CYTH3: variants seen among roughly 807,000 people sequenced by gnomAD.
CYTH3 encodes cytohesin-3.
In CYTH3, 23 loss-of-function variants were observed where a neutral mutation model predicts 55.1. That is an observed-to-expected ratio of 0.42 (90% CI 0.30 to 0.59). The LOEUF is 0.59. Among genes scored for constraint, CYTH3 ranks in the 20% least tolerant of loss-of-function variants. CYTH3 has a pLI of 0.20. For synonymous variants in CYTH3, 249 were observed against 194.9 expected, an observed-to-expected ratio of 1.28 and a Z score of -2.31; for missense variants, 413 against 524.8, an observed-to-expected ratio of 0.79 and a Z score of 2.08.
rs760279977 is a variant in CYTH3, at chr7:6,174,539, GTTTTTTTTT to G, written c.369-815_369-807del. Among the ~76,000 whole-genome samples the G allele has an allele frequency of 1.4e-3, 128 of 89,802 alleles. No individual in the cohort carries two copies. The Middle Eastern group carries it at 0.033, about 23-fold the overall frequency. 58.9% of individuals were successfully genotyped at this position (89,802 alleles called of 152,430 possible). ...GGTGTGAAATGGTATCTCCTTGTGGGTTTTTTTTTTTTTTTTTTTTTTTTTCCAGACAGA... is the reference window on the plus strand; with the variant it reads ...GGTGTGAAATGGTATCTCCTTGTGGGTTTTTTTTTTTTTTTTCCAGACAGA... On this transcript the variant is annotated intron_variant, in intron 5 of 12. Coordinates refer to ENST00000350796, the MANE Select transcript of CYTH3 (RefSeq NM_004227.4).
intron 1 of CYTH3, among the ~76,000 whole-genome samples, chr7:6,255,622 G>A (rs576999960): frequency 6.6e-6 from 1 of 152,126 alleles, no homozygotes; most frequent in Non-Finnish European, 1.5e-5. Flanking sequence ...TCAAGATAGG[G>A]AGGGAGGGAT....
chr7:6,190,450 T>C lies in CYTH3; in HGVS notation c.116A>G (p.Glu39Gly). Reference sequence around the variant, plus strand: ...TTGGTTTTTTTTTTTTTTTTTTACCTCAATGTCATCAATAAGTTCCTTTTT... The same window carrying C: ...TTGGTTTTTTTTTTTTTTTTTTACCCCAATGTCATCAATAAGTTCCTTTTT... ...RRKKELIDDI[E>G]RLKYEIAEVM... is the part of the protein sequence containing the mutation. Residue 39 changes from glutamate (E) to glycine (G), a missense_variant and splice_region_variant, in exon 2 of 13, where the codon GAG (glutamate) becomes GGG (glycine). Coordinates refer to ENST00000350796, the MANE Select transcript of CYTH3 (RefSeq NM_004227.4). The C allele has an allele frequency of 8.3e-7, 1 of 1,207,040 alleles. No homozygotes were observed. Among genetic ancestry groups the C allele is most frequent in the Non-Finnish European group, 1.1e-6 (1 of 897,774 alleles). 74.8% of individuals were successfully genotyped at this position (1,207,040 alleles called of 1,614,324 possible).
intron 1 of CYTH3, among the ~76,000 whole-genome samples, chr7:6,206,922 GACT>G (rs1784202543): frequency 6.6e-6 from 1 of 151,940 alleles, no homozygotes; most frequent in Non-Finnish European, 1.5e-5. Flanking sequence ...GTTTTAGAGA[GACT>G]ACTAACTACA....
chr7:6,251,783 A>T lies in CYTH3; in HGVS notation c.34+20691T>A, dbSNP rs118006885. On this transcript the variant is annotated intron_variant, in intron 1 of 12. Coordinates refer to ENST00000350796, the MANE Select transcript of CYTH3 (RefSeq NM_004227.4). ...CAAAGAGGCCTGTCCATAAAATCAA[A>T]TCTACAAAGAATAACTCAGATGGTT... Among the ~76,000 whole-genome samples the T allele has an allele frequency of 1.8e-4, 28 of 152,298 alleles. No individual in the cohort carries two copies. The East Asian group carries it at 4.8e-3, about 26-fold the overall frequency.
At chr7:6,192,572 G>A (rs187062815) in intron 1 of CYTH3, among the ~76,000 whole-genome samples, 188 of 130,670 alleles carry the variant, frequency 1.4e-3, no homozygotes, top group African/African-American at 5.0e-3. Context: ...TCGCTCTGTC[G>A]CCAGGCTGGA....
chr7:6,168,134 G>A (rs543738915), intron 9 of CYTH3, among the ~76,000 whole-genome samples: 3 of 152,068 alleles, frequency 2.0e-5, no homozygotes, highest in East Asian at 3.9e-4. Flanking sequence ...CTTCATTGCC[G>A]TTAGCAGGCA....
chr7:6,187,161 A>G (rs1343828091), intron 3 of CYTH3, 45 bp from the exon 4 acceptor site: 1 of 1,584,252 alleles, frequency 6.3e-7, no homozygotes, highest in Non-Finnish European at 8.7e-7. Flanking sequence ...CTGTTTTCAC[A>G]ATGCAGCCCA....
intron 1 of CYTH3, among the ~76,000 whole-genome samples, chr7:6,234,092 T>C (rs1210572293): frequency 6.6e-6 from 1 of 152,180 alleles, no homozygotes; most frequent in Non-Finnish European, 1.5e-5. Context: ...TTGGAGTACA[T>C]TAATATTCAA....
chr7:6,255,767 T>TTG (rs1780086981), intron 1 of CYTH3, among the ~76,000 whole-genome samples: 1 of 144,198 alleles, frequency 6.9e-6, no homozygotes, highest in African/African-American at 2.6e-5. Context: ...TGTTTTTTTT[T>TTG]TTTTTTTTTT....
In CYTH3 at chr7:6,205,094, G is replaced by T. The variant is rs1024617468; in HGVS notation, c.35-14563C>A. Among the ~76,000 whole-genome samples the T allele has an allele frequency of 2.0e-5, 3 of 152,084 alleles. No homozygotes were observed. In the South Asian group the frequency reaches 6.2e-4, roughly 32 times the overall value. On this transcript the variant is annotated intron_variant, in intron 1 of 12. Coordinates refer to ENST00000350796, the MANE Select transcript of CYTH3 (RefSeq NM_004227.4). ...GTAGGAGAATCACCTGAGCCTGGAC[G>T]GCCAAGGCTGCAGTGAGCCATGATC... is the stretch of plus-strand genomic sequence containing the variant.
chr7:6,242,208 C>T (rs1240676876), intron 1 of CYTH3, among the ~76,000 whole-genome samples: 1 of 151,682 alleles, frequency 6.6e-6, no homozygotes, highest in African/African-American at 2.4e-5. Context: ...TCCCGAGTAG[C>T]TGGGACTACA....
intron 5 of CYTH3, among the ~76,000 whole-genome samples, chr7:6,175,276 G>C (rs1783315370): frequency 2.0e-5 from 3 of 152,074 alleles, no homozygotes; most frequent in Admixed American, 1.3e-4. Flanking sequence ...CTGATGATTA[G>C]CTATGAACAC....
At chr7:6,187,751 G>A in intron 2 of CYTH3, 30 bp from the exon 3 acceptor site, 1 of 1,598,554 alleles carries the variant, frequency 6.3e-7, no homozygotes, top group Non-Finnish European at 8.6e-7. Flanking sequence ...TCGAGGTGGG[G>A]AGTGGGTCTT....
rs542881683 is a variant in CYTH3 at position 6,248,034 on chromosome 7, T to G, written c.34+24440A>C. ...TGCTTTATCTCATCTTTCAACCACT[T>G]ATTTGTGTTTCTTGAAGTTTATTAA... On this transcript the variant is annotated intron_variant, in intron 1 of 12. Coordinates refer to ENST00000350796, the MANE Select transcript of CYTH3 (RefSeq NM_004227.4). Among the ~76,000 whole-genome samples the G allele has an allele frequency of 2.0e-5, 3 of 152,146 alleles. No individual in the cohort carries two copies. In the South Asian group the frequency reaches 6.2e-4, roughly 32 times the overall value.
At chr7:6,205,159 T>G (rs1784155149) in intron 1 of CYTH3, among the ~76,000 whole-genome samples, 1 of 150,372 alleles carries the variant, frequency 6.7e-6, no homozygotes, top group Admixed American at 6.6e-5. Context: ...AGCAATACTC[T>G]CTCAAAAAAG....
rs920353405 is a variant in CYTH3 at position 6,170,774 on chromosome 7, C to T, written c.711+56G>A. On this transcript the variant is annotated intron_variant, in intron 8 of 12. Transcript: ENST00000350796. This position sits in a 1 kb window ranked among gnomAD's most constrained non-coding sequence, Gnocchi z 7.8. ...GTGTCTAGAGCCGCGGGCGCTGCGG[C>T]CGCTCACAGCGAAGAGATCCTGCAG... The T allele has an allele frequency of 3.8e-6, 6 of 1,577,740 alleles. No homozygotes were observed. The highest frequency in any genetic ancestry group is 1.8e-5 in the Admixed American group (1 of 55,354).
intron 4 of CYTH3, 96 bp from the exon 5 acceptor site, chr7:6,178,037 T>C (rs1783392557): frequency 3.4e-6 from 3 of 880,212 alleles, no homozygotes; most frequent in East Asian, 4.9e-5. Context: ...TTTACTGGTA[T>C]GGACACAGCA....
chr7:6,264,339 C>T (rs1490005779), intron 1 of CYTH3, among the ~76,000 whole-genome samples: 1 of 152,174 alleles, frequency 6.6e-6, no homozygotes, highest in Non-Finnish European at 1.5e-5. Context: ...AGGCTGGGCA[C>T]GGTGGCTCAT....
At chr7:6,236,211 A>AT (rs796451568) in intron 1 of CYTH3, among the ~76,000 whole-genome samples, 21 of 151,218 alleles carry the variant, frequency 1.4e-4, no homozygotes, top group African/African-American at 5.1e-4. Flanking sequence ...CCCCCCCCTT[A>AT]TTTTTTTTGT....
Sources: gnomAD v4.1 joint callset for allele counts (sites outside exome capture counted in the v4.1 genomes callset) on GRCh38, gnomAD v4.1.1 for gene constraint, Gnocchi (gnomAD v3.1) non-coding constraint, MANE v1.5 for transcripts, NCBI Gene and HGNC (gene_info 2026-07-23, HGNC 2026-07-21) for gene names.